Variants in RARB observed in about 807,000 individuals in gnomAD.
The protein encoded by RARB is retinoic acid receptor beta, also known as HBV-activated protein.
A neutral mutation model predicts 51.9 loss-of-function variants in RARB; 17 were observed. That is an observed-to-expected ratio of 0.33 (90% CI 0.22 to 0.49). RARB has a LOEUF of 0.49. Ranked by LOEUF, RARB falls within the 20% of genes least tolerant of loss-of-function variation. The pLI is 0.99. For synonymous variants in RARB, 215 were observed against 195.4 expected, an observed-to-expected ratio of 1.10 and a Z score of -0.84; for missense variants, 369 against 550.8, an observed-to-expected ratio of 0.67 and a Z score of 3.30.
At chr3:25,223,674 A>T (rs915637463) in intron 5 of RARB, among the ~76,000 whole-genome samples, 1 of 152,230 alleles carries the variant, frequency 6.6e-6, no homozygotes, top group Non-Finnish European at 1.5e-5. Context: ...CAGTAGTCAT[A>T]TGAAGAGAGC....
chr3:24,897,776 T>A (rs1703510090), intron 2 of RARB, among the ~76,000 whole-genome samples: 1 of 151,984 alleles, frequency 6.6e-6, no homozygotes, highest in Non-Finnish European at 1.5e-5. Flanking sequence ...CTTAAATGTT[T>A]TGTTACAATT....
chr3:24,854,927 A>G (rs1702612870), intron 1 of RARB, among the ~76,000 whole-genome samples: 1 of 152,194 alleles, frequency 6.6e-6, no homozygotes. Context: ...GGGGCTGGAA[A>G]GGAGGAATCT....
intron 1 of RARB, among the ~76,000 whole-genome samples, chr3:25,454,385 G>A (rs1461611403): frequency 6.6e-6 from 1 of 152,202 alleles, no homozygotes; most frequent in South Asian, 2.1e-4. Flanking sequence ...TTGACCAAAC[G>A]CAACTTTGCT....
At chr3:25,520,365 G>C (rs186191737) in intron 3 of RARB, among the ~76,000 whole-genome samples, 2 of 152,258 alleles carry the variant, frequency 1.3e-5, no homozygotes, top group Admixed American at 1.3e-4. Context: ...CAACAGTTCA[G>C]TAGGGACCTT....
intron 3 of RARB, among the ~76,000 whole-genome samples, chr3:25,125,182 C>T (rs753659603): frequency 1.3e-5 from 2 of 152,086 alleles, no homozygotes; most frequent in East Asian, 3.9e-4. Flanking sequence ...AGTGAATGAA[C>T]AAATGAATAA....
Position 25,293,848 on chromosome 3 carries a change from T to C in RARB, c.178+119273T>C, listed in dbSNP as rs879630504. Among the ~76,000 whole-genome samples the C allele has an allele frequency of 5.7e-4, 87 of 152,124 alleles. 1 individual carries two copies. The highest frequency in any genetic ancestry group is 5.5e-3 in the Admixed American group (84 of 15,268). ...TAGCCAGCCTCACAGGGTCACAACC[T>C]AGTTGCATTTTTGAAATTCAAGCCA... is the stretch of plus-strand genomic sequence containing the variant. On this transcript the variant is annotated intron_variant, in intron 5 of 11. Coordinates refer to the RARB transcript ENST00000383772.
intron 2 of RARB, among the ~76,000 whole-genome samples, chr3:25,015,345 G>C (rs558270934): frequency 7.2e-4 from 109 of 152,214 alleles, no homozygotes; most frequent in Non-Finnish European, 1.4e-3. Context: ...GTGTTTCTTA[G>C]ATGCGAGGAA....
chr3:25,123,106 G>T (rs970397523), intron 3 of RARB, among the ~76,000 whole-genome samples: 1 of 152,064 alleles, frequency 6.6e-6, no homozygotes, highest in Non-Finnish European at 1.5e-5. Flanking sequence ...TTGGGGTGTC[G>T]GCAGGGAGGA....
Position 25,569,824 on chromosome 3 carries a change from A to C in RARB, c.515A>C (p.Glu172Ala). Residue 172 changes from glutamate (E) to alanine (A), a missense_variant, in exon 4 of 8, where the codon GAA becomes GCA. This residue lies in a region of RARB where 46 missense variants were observed against 43.2 expected (regional missense o/e 1.07). Transcript: ENST00000330688. The stretch of plus-strand genomic sequence containing the variant: ...AAGCAAGAATGCACAGAGAGCTATG[A>C]AATGACAGCTGAGTTGGACGATCTC... Reference protein sequence around the residue: ...TSKQECTESYEMTAELDDLTE... With the variant: ...TSKQECTESYAMTAELDDLTE... The C allele has an allele frequency of 6.2e-7, 1 of 1,614,224 alleles. No homozygotes were observed. Among genetic ancestry groups the C allele is most frequent in the South Asian group, 1.1e-5 (1 of 91,082 alleles).
intron 2 of RARB, among the ~76,000 whole-genome samples, chr3:25,032,840 A>G (rs1370985808): frequency 1.3e-5 from 2 of 152,234 alleles, no homozygotes; most frequent in Non-Finnish European, 1.5e-5. Context: ...ACTAAGGCAT[A>G]AGGACTAGAT....
intron 1 of RARB, among the ~76,000 whole-genome samples, chr3:25,458,942 G>A (rs918482220): frequency 6.6e-6 from 1 of 152,186 alleles, no homozygotes; most frequent in African/African-American, 2.4e-5. Flanking sequence ...AAAAGTTCAT[G>A]TGCTAATTCA....
chr3:25,511,293 C>T (rs967408911), intron 3 of RARB, among the ~76,000 whole-genome samples: 6 of 151,998 alleles, frequency 3.9e-5, no homozygotes, highest in Admixed American at 6.6e-5. Flanking sequence ...CCACCACGCT[C>T]GGCTAATTTT....
chr3:25,139,532 G>T (rs1422546020), intron 4 of RARB, among the ~76,000 whole-genome samples: 2 of 152,072 alleles, frequency 1.3e-5, no homozygotes, highest in Non-Finnish European at 2.9e-5. Flanking sequence ...AGATGAGGAA[G>T]CTGCTGGAAA....
intron 2 of RARB, among the ~76,000 whole-genome samples, chr3:25,017,483 G>A (rs1697538476): frequency 6.6e-6 from 1 of 152,092 alleles, no homozygotes; most frequent in Admixed American, 6.6e-5. Flanking sequence ...GGTTTCCCCT[G>A]GAGCATTGGC....
intron 5 of RARB, among the ~76,000 whole-genome samples, chr3:25,360,805 C>T (rs1236787533): frequency 6.6e-6 from 1 of 152,130 alleles, no homozygotes; most frequent in East Asian, 1.9e-4. Context: ...GAATATTGGC[C>T]CCTACTCTCT....
intron 2 of RARB, among the ~76,000 whole-genome samples, chr3:24,999,814 A>G (rs534807877): frequency 2.0e-5 from 3 of 152,258 alleles, no homozygotes; most frequent in African/African-American, 7.2e-5. Flanking sequence ...TCTGTGGTAT[A>G]AGTTTTAACT....
intron 5 of RARB, among the ~76,000 whole-genome samples, chr3:25,334,542 G>C (rs1444398217): frequency 1.3e-5 from 2 of 152,136 alleles, no homozygotes; most frequent in Non-Finnish European, 2.9e-5. Flanking sequence ...GGTGGAGGGA[G>C]CGGGGAAGGA....
rs116377880 is a variant in RARB at position 25,179,864 on chromosome 3, C to T, written c.178+5289C>T. On this transcript the variant is annotated intron_variant, in intron 5 of 11. Coordinates refer to the RARB transcript ENST00000383772. ...TTCCCCAGACTCTGGTTGAGTATAACATGTATTAAGTAATCACATTGCCAT... is the reference window on the plus strand; with the variant it reads ...TTCCCCAGACTCTGGTTGAGTATAATATGTATTAAGTAATCACATTGCCAT... Among the ~76,000 whole-genome samples the T allele has an allele frequency of 5.3e-3, 807 of 152,260 alleles. 5 individuals carry two copies. The highest frequency in any genetic ancestry group is 0.018 in the African/African-American group (755 of 41,556).
At chr3:25,394,403 C>T (rs1166041149) in intron 5 of RARB, among the ~76,000 whole-genome samples, 1 of 152,092 alleles carries the variant, frequency 6.6e-6, no homozygotes, top group Non-Finnish European at 1.5e-5. Flanking sequence ...CAGTAAATAT[C>T]TGTTAAGTTC....
Sources: allele counts gnomAD v4.1 joint callset (sites outside exome capture counted in the v4.1 genomes callset), GRCh38; gene constraint gnomAD v4.1.1; regional missense constraint gnomAD v4.1.1; transcripts MANE v1.5; gene names NCBI Gene and HGNC (gene_info 2026-07-23, HGNC 2026-07-21).